Variants in ASCC2 observed in about 807,000 individuals in gnomAD.
ASCC2 encodes ASC-1 complex subunit P100.
In ASCC2, 42 loss-of-function variants were observed where a neutral mutation model predicts 93.5. That is an observed-to-expected ratio of 0.45 (90% confidence interval 0.35 to 0.58). The LOEUF is 0.58. Among genes scored for constraint, ASCC2 ranks in the 20% least tolerant of loss-of-function variants. The pLI, the probability that ASCC2 is intolerant of heterozygous loss-of-function variation, is 0.00. For synonymous variants in ASCC2, 364 were observed against 384.2 expected, an observed-to-expected ratio of 0.95 and a Z score of 0.62; for missense variants, 859 against 977.6, an observed-to-expected ratio of 0.88 and a Z score of 1.62.
Position 29,792,484 on chromosome 22 carries a change from C to A in ASCC2, c.1971G>T (p.Gln657His), listed in dbSNP as rs756699013. 1.1e-5 allele frequency: 18 copies of A among 1,614,002 alleles called. No homozygotes were observed. Among genetic ancestry groups the A allele is most frequent in the Non-Finnish European group, 1.4e-5 (17 of 1,180,008 alleles). The change falls in exon 18 of 20, where the codon CAG (glutamine) becomes CAT (histidine). Residue 657 changes from glutamine to histidine, a missense_variant. Physicochemically the swap from Gln to His is conservative, Grantham distance 24 (BLOSUM62 0). Coordinates refer to ENST00000307790, the MANE Select transcript of ASCC2 (RefSeq NM_032204.5). ...CTTCCTCATCGTCGTCATCCTCCTCCTGCCCTTCTCTAGGCACTTTGGTTC... is the reference window on the plus strand; with the variant it reads ...CTTCCTCATCGTCGTCATCCTCCTCATGCCCTTCTCTAGGCACTTTGGTTC... The part of the protein sequence containing the change: ...VLRTKVPREG[Q>H]EEDDDDEEDD...
At position 29,790,471 on chromosome 22, in the gene ASCC2, T is replaced by A. The variant is rs1262244738; in HGVS notation, c.2100A>T (p.Lys700Asn). ...GAAGCAGCCCCTTGAATGCTCACCC[T>A]TTCTTGGCGAGAAAGGCCATGCGCC... ...EARRMAFLAK[K>N]GYRHDSSTAV... is the part of the protein sequence containing the mutation. The change falls in exon 19 of 20, where the codon AAA becomes AAT. Residue 700 changes from lysine (K) to asparagine (N), a missense_variant and splice_region_variant. Coordinates refer to ENST00000307790, the MANE Select transcript of ASCC2 (RefSeq NM_032204.5). 1.2e-6 allele frequency: 2 copies of A among 1,614,090 alleles called. No individual in the cohort carries two copies. The highest frequency in any genetic ancestry group is 8.5e-7 in the Non-Finnish European group (1 of 1,180,010).
chr22:29,792,732 G>A (rs1051252725), intron 17 of ASCC2, among the ~76,000 whole-genome samples, 197 bp from the exon 18 acceptor site: 1 of 152,186 alleles, frequency 6.6e-6, no homozygotes, highest in African/African-American at 2.4e-5. Context: ...GTGGGGTTGA[G>A]GGGGAGACTG....
chr22:29,802,497 A>T (rs201273966), intron 13 of ASCC2, among the ~76,000 whole-genome samples: 1 of 148,840 alleles, frequency 6.7e-6, no homozygotes, highest in East Asian at 2.5e-4. Context: ...ATAAACAAAA[A>T]AAAAAAATAA....
intron 4 of ASCC2, among the ~76,000 whole-genome samples, chr22:29,823,847 C>CAA (rs773869469): frequency 3.7e-5 from 3 of 81,098 alleles, no homozygotes; most frequent in Middle Eastern, 9.3e-3. Flanking sequence ...AACTCCATCT[C>CAA]AAAAAAAAAA....
intron 13 of ASCC2, 100 bp from the exon 14 acceptor site, chr22:29,802,308 C>T: frequency 3.3e-6 from 4 of 1,226,564 alleles, no homozygotes; most frequent in Non-Finnish European, 4.6e-6. Flanking sequence ...GGATCTGGTT[C>T]AAGTCCTGGG....
intron 2 of ASCC2, among the ~76,000 whole-genome samples, chr22:29,829,465 G>A (rs2062846085): frequency 1.3e-5 from 2 of 152,098 alleles, no homozygotes; most frequent in African/African-American, 4.8e-5. Flanking sequence ...GCTCACGCCT[G>A]TAATCCCAGT....
In ASCC2 at chr22:29,825,484, G is replaced by A. The variant is rs1300459294; in HGVS notation, c.240+138C>T. Reference sequence around the variant, plus strand: ...ATTGTGATACAAGACAGAGCAATCCGAACCACAATTTGCTGTTAAGGATCC... The same window carrying A: ...ATTGTGATACAAGACAGAGCAATCCAAACCACAATTTGCTGTTAAGGATCC... On this transcript the variant is annotated intron_variant, in intron 3 of 19. Transcript: ENST00000307790. This position sits in a 1 kb window ranked among gnomAD's most constrained non-coding sequence, Gnocchi z 4.9. The A allele has an allele frequency of 6.9e-6, 9 of 1,300,864 alleles. No individual in the cohort carries two copies. Among genetic ancestry groups the A allele is most frequent in the Admixed American group, 2.0e-5 (1 of 49,340 alleles). The allele number at this position is 1,300,864 out of a possible 1,614,324, so 80.6% of individuals were successfully genotyped here.
intron 8 of ASCC2, chr22:29,809,796 G>A (rs1164869011): frequency 3.3e-5 from 5 of 151,162 alleles, no homozygotes; most frequent in Non-Finnish European, 5.9e-5. Context: ...TTTAAAAATT[G>A]TAAAATTAAA....
intron 4 of ASCC2, 85 bp from the exon 5 acceptor site, chr22:29,822,549 G>A (rs922753490): frequency 1.3e-6 from 2 of 1,513,568 alleles, no homozygotes; most frequent in Non-Finnish European, 1.8e-6. Flanking sequence ...AACGATCTTT[G>A]GTTCCATCAA....
At chr22:29,822,695 C>T (rs1309160756) in intron 4 of ASCC2, among the ~76,000 whole-genome samples, 3 of 139,586 alleles carry the variant, frequency 2.1e-5, no homozygotes, top group Non-Finnish European at 4.6e-5. Context: ...ATGACTTTTA[C>T]AACTGGCTGT....
rs541110640 is a variant in ASCC2, at chr22:29,809,648, G to A, written c.834-1463C>T. The stretch of plus-strand genomic sequence containing the variant: ...ACGAAAATTAGCTAGGCATGGGGGC[G>A]GGCACCTGTAATCCCAGCTACTCGG... On this transcript the variant is annotated intron_variant, in intron 8 of 19. Transcript: ENST00000307790. 5.3e-5 allele frequency among the ~76,000 whole-genome samples: 8 copies of A among 151,732 alleles called. 1 individual carries two copies. The South Asian group carries it at 6.3e-4, about 12-fold the overall frequency.
At chr22:29,796,657 C>T (rs185458904) in intron 15 of ASCC2, among the ~76,000 whole-genome samples, 71 of 152,286 alleles carry the variant, frequency 4.7e-4, no homozygotes, top group Non-Finnish European at 6.3e-4. Flanking sequence ...GTGACTGTGA[C>T]CTTGGCCCTG....
chr22:29,827,807 T>TCTC (rs148580571), intron 2 of ASCC2, among the ~76,000 whole-genome samples: 50,810 of 93,884 alleles, frequency 0.54, 15,760 homozygotes, highest in East Asian at 0.67. Flanking sequence ...GGCTACTCAT[T>TCTC]CTGACACACA....
chr22:29,793,436 C>T lies in ASCC2; in HGVS notation c.1843G>A (p.Glu615Lys). 6.2e-7 allele frequency: 1 copy of T among 1,614,162 alleles called. No individual in the cohort carries two copies. Among genetic ancestry groups the T allele is most frequent in the Non-Finnish European group, 8.5e-7 (1 of 1,180,036 alleles). The change falls in exon 17 of 20, where the codon GAG (glutamate) becomes AAG (lysine). Residue 615 changes from glutamate (E) to lysine (K), a missense_variant. Coordinates refer to ENST00000307790, the MANE Select transcript of ASCC2 (RefSeq NM_032204.5). ...TTGCCATCGTATGTGTCATCGTACT[C>T]ATCCTCGTAGTAGACACTGTGGTAG... ...LPYHSVYYED[E>K]YDDTYDGNQV... is the part of the protein sequence containing the mutation.
rs1184292429 is a variant in ASCC2, at chr22:29,802,183, C to T, written c.1379G>A (p.Gly460Asp). ...EECMGAAAAV[G>D]PAMCGVELDS... Reference sequence around the variant, plus strand: ...CAGTTCCACCCCACACATGGCAGGGCCCACAGCCGCGGCTGCTCCCATGCA... The same window carrying T: ...CAGTTCCACCCCACACATGGCAGGGTCCACAGCCGCGGCTGCTCCCATGCA... The change falls in exon 14 of 20, where the codon GGC becomes GAC. Residue 460 changes from glycine (G) to aspartate (D), a missense_variant. Coordinates refer to ENST00000307790, the MANE Select transcript of ASCC2 (RefSeq NM_032204.5). 6.2e-7 allele frequency: 1 copy of T among 1,614,058 alleles called. No homozygotes were observed. Among genetic ancestry groups the T allele is most frequent in the African/African-American group, 1.3e-5 (1 of 74,958 alleles).
intron 2 of ASCC2, among the ~76,000 whole-genome samples, chr22:29,828,694 C>A (rs1393013527): frequency 6.6e-6 from 1 of 152,112 alleles, no homozygotes; most frequent in Non-Finnish European, 1.5e-5. Context: ...CTCTCTATAC[C>A]ACTTGAACAG....
intron 5 of ASCC2, among the ~76,000 whole-genome samples, chr22:29,820,178 TC>T (rs752536615): frequency 2.0e-5 from 3 of 151,774 alleles, no homozygotes; most frequent in Admixed American, 6.6e-5. Context: ...TTCTTTTTTT[TC>T]TGAGACGGAG....
At chr22:29,816,213 G>C (rs1459168660) in intron 5 of ASCC2, 140 bp from the exon 6 acceptor site, 9 of 724,028 alleles carry the variant, frequency 1.2e-5, no homozygotes, top group Non-Finnish European at 1.9e-5. Flanking sequence ...GACCTAGGAC[G>C]AGTCCTGGCC....
At chr22:29,789,325 G>T in intron 19 of ASCC2, 141 bp from the exon 20 acceptor site, 1 of 1,036,102 alleles carries the variant, frequency 9.7e-7, no homozygotes, top group Non-Finnish European at 1.4e-6. Context: ...CAGATGGAAG[G>T]AGAGATGGAG....
Sources: allele counts gnomAD v4.1 joint callset (sites outside exome capture counted in the v4.1 genomes callset), GRCh38; gene constraint gnomAD v4.1.1; non-coding constraint Gnocchi (gnomAD v3.1); transcripts MANE v1.5; gene names NCBI Gene and HGNC (gene_info 2026-07-23, HGNC 2026-07-21).